RERE: variants seen among roughly 807,000 people sequenced by gnomAD.
RERE encodes arginine-glutamic acid dipeptide repeats.
A neutral mutation model predicts 146.1 loss-of-function variants in RERE; 40 were observed. That is an observed-to-expected ratio of 0.27 (90% CI 0.21 to 0.36). RERE has a LOEUF of 0.36. Among genes scored for constraint, RERE ranks in the 10% least tolerant of loss-of-function variants. The pLI, the probability that RERE is intolerant of heterozygous loss-of-function variation, is 1.00. For missense variants in RERE, 1,933 were observed against 2,138.7 expected (o/e 0.90, Z 1.90); for synonymous variants, 1,003 against 866.0 (o/e 1.16, Z -2.78).
chr1:8,357,799 G>T (rs1172948793), intron 20 of RERE, among the ~76,000 whole-genome samples: 1 of 152,250 alleles, frequency 6.6e-6, no homozygotes, highest in Non-Finnish European at 1.5e-5. Context: ...AGAGGACTGT[G>T]CTTTTCATTC....
intron 7 of RERE, 133 bp downstream of exon 7, chr1:8,541,081 T>C (rs1047863723): frequency 4.6e-6 from 2 of 437,802 alleles, no homozygotes; most frequent in Non-Finnish European, 8.1e-6. Flanking sequence ...TGAAGGACTC[T>C]GGAGTCATTT....
At chr1:8,525,676 A>C (rs1050037500) in intron 7 of RERE, 2 of 1,377,982 alleles carry the variant, frequency 1.5e-6, no homozygotes, top group African/African-American at 3.0e-5. Flanking sequence ...TGAATGATGA[A>C]ATGATTCATA....
intron 6 of RERE, among the ~76,000 whole-genome samples, chr1:8,546,807 C>T (rs1430828863): frequency 6.7e-6 from 1 of 148,256 alleles, no homozygotes; most frequent in Non-Finnish European, 1.5e-5. Context: ...AAGATGGCGC[C>T]ACTACAAGGA....
At chr1:8,788,721 A>G (rs1329993752) in intron 1 of RERE, among the ~76,000 whole-genome samples, 1 of 148,704 alleles carries the variant, frequency 6.7e-6, no homozygotes, top group Admixed American at 6.8e-5. Flanking sequence ...TCCAACCTTT[A>G]TATTGCACAA....
chr1:8,723,341 T>C (rs934071998), intron 1 of RERE, among the ~76,000 whole-genome samples: 17 of 152,276 alleles, frequency 1.1e-4, no homozygotes, highest in African/African-American at 4.1e-4. Context: ...ATATAAAGTA[T>C]AGAAATGCAA....
At chr1:8,465,867 C>T (rs2124126676) in intron 11 of RERE, 58 bp downstream of exon 11, 2 of 1,460,606 alleles carry the variant, frequency 1.4e-6, no homozygotes, top group South Asian at 1.1e-5. Context: ...AGGTCACACA[C>T]TGAGACGCCG....
intron 9 of RERE, among the ~76,000 whole-genome samples, chr1:8,495,701 T>C (rs1217980831): frequency 6.6e-6 from 1 of 152,236 alleles, no homozygotes; most frequent in Non-Finnish European, 1.5e-5. Context: ...TCCCACGTTT[T>C]AGCAGTACTA....
intron 12 of RERE, among the ~76,000 whole-genome samples, chr1:8,395,973 C>A (rs1570135078): frequency 6.6e-6 from 1 of 152,146 alleles, no homozygotes; most frequent in Non-Finnish European, 1.5e-5. Context: ...GGTGACACCA[C>A]CCCTCTCTCT....
chr1:8,376,886 G>C (rs1464904192), intron 12 of RERE, among the ~76,000 whole-genome samples: 1 of 152,166 alleles, frequency 6.6e-6, no homozygotes, highest in East Asian at 1.9e-4. Flanking sequence ...ATCCCAGGGT[G>C]GGTCTGCTGA....
chr1:8,595,273 A>T lies in RERE; in HGVS notation c.522+19288T>A, dbSNP rs548188680. On this transcript the variant is annotated intron_variant, in intron 4 of 22. Transcript: ENST00000400908. ...ATGTGGGTATCAACCATTTTATTTC[A>T]TCTGAAAAAAAAAATGCTAAAGCAT... is the stretch of plus-strand genomic sequence containing the variant. Among the ~76,000 whole-genome samples, 17 of 151,638 alleles carry T rather than the reference A, an allele frequency of 1.1e-4. No homozygotes were observed. In the East Asian group the frequency reaches 3.3e-3, roughly 29 times the overall value.
intron 11 of RERE, among the ~76,000 whole-genome samples, chr1:8,440,553 T>C (rs1036816635): frequency 4.2e-5 from 6 of 143,464 alleles, no homozygotes; most frequent in African/African-American, 1.3e-4. Flanking sequence ...ATCATGCCAC[T>C]GAACTCCAGC....
intron 1 of RERE, among the ~76,000 whole-genome samples, chr1:8,677,979 C>T (rs1349708633): frequency 1.3e-5 from 2 of 152,104 alleles, no homozygotes; most frequent in African/African-American, 4.8e-5. Context: ...GTTTGTATTG[C>T]TTAACAGGAA....
chr1:8,799,396 C>T (rs760266446), intron 1 of RERE: 14 of 163,360 alleles, frequency 8.6e-5, no homozygotes, highest in Non-Finnish European at 1.6e-4. Context: ...ACAAGGATGT[C>T]TTCAGAGAGG....
intron 4 of RERE, among the ~76,000 whole-genome samples, chr1:8,584,498 G>C (rs1193080271): frequency 6.6e-6 from 1 of 152,174 alleles, no homozygotes; most frequent in East Asian, 1.9e-4. Flanking sequence ...AGTGAGCTAT[G>C]ATCCTGCCAC....
intron 4 of RERE, among the ~76,000 whole-genome samples, chr1:8,581,270 C>A (rs1646361428): frequency 6.6e-6 from 1 of 152,092 alleles, no homozygotes; most frequent in Non-Finnish European, 1.5e-5. Context: ...GGCTTATCTG[C>A]CATTAATGTG....
intron 4 of RERE, among the ~76,000 whole-genome samples, chr1:8,598,355 C>T (rs1463740218): frequency 1.3e-5 from 2 of 152,174 alleles, no homozygotes; most frequent in East Asian, 1.9e-4. Flanking sequence ...GAGAAGATGG[C>T]GCTGATTCCA....
At chr1:8,803,589 T>C (rs1641629168) in intron 1 of RERE, among the ~76,000 whole-genome samples, 1 of 152,172 alleles carries the variant, frequency 6.6e-6, no homozygotes, top group East Asian at 1.9e-4. Context: ...GGTCTGGTTT[T>C]CTGTTTTTTT....
intron 4 of RERE, among the ~76,000 whole-genome samples, chr1:8,578,614 A>G (rs1455976749): frequency 6.6e-6 from 1 of 152,056 alleles, no homozygotes; most frequent in Non-Finnish European, 1.5e-5. Flanking sequence ...ATCTATCACT[A>G]ATATTAAAAC....
intron 1 of RERE, among the ~76,000 whole-genome samples, chr1:8,759,838 T>TACACACACAC (rs369646175): frequency 1.6e-3 from 229 of 142,306 alleles, no homozygotes; most frequent in African/African-American, 5.3e-3. Flanking sequence ...ACTCTCTCTA[T>TACACACACAC]ACACACACAC....
Sources: gnomAD v4.1 joint callset for allele counts (sites outside exome capture counted in the v4.1 genomes callset) on GRCh38, gnomAD v4.1.1 for gene constraint, MANE v1.5 for transcripts, NCBI Gene and HGNC (gene_info 2026-07-23, HGNC 2026-07-21) for gene names.